SMIM10L3: variants seen among roughly 807,000 people sequenced by gnomAD.
The protein encoded by SMIM10L3 is small integral membrane protein 10 like 3, also known as salivary gland specific protein SAGSIN1.
the SMIM10L3 span, among the ~76,000 whole-genome samples, chr7:6,345,321 C>T: frequency 2.0e-5 from 3 of 151,956 alleles, no homozygotes; most frequent in African/African-American, 4.8e-5. Context: ...TGCTGTGTTG[C>T]CCAGGCTGGT....
At chr7:6,343,081 G>A in the SMIM10L3 span, among the ~76,000 whole-genome samples, 16 of 149,642 alleles carry the variant, frequency 1.1e-4, no homozygotes, top group Admixed American at 2.7e-4. Flanking sequence ...GAAGAGAAAA[G>A]AAAAGAAAAA....
the SMIM10L3 span, among the ~76,000 whole-genome samples, chr7:6,343,397 CATAT>C: frequency 0.085 from 7,154 of 84,020 alleles, 356 homozygotes; most frequent in Non-Finnish European, 0.096. Flanking sequence ...ATAATAATTT[CATAT>C]ATATATATAT....
At chr7:6,343,052 AAAAG>A in the SMIM10L3 span, among the ~76,000 whole-genome samples, 18,341 of 149,902 alleles carry the variant, frequency 0.12, 1,452 homozygotes, top group Admixed American at 0.22. Context: ...AAAAAAAGAA[AAAAG>A]AAAGAAAGAA....
At chr7:6,344,674 C>T in the SMIM10L3 span, among the ~76,000 whole-genome samples, 2 of 152,138 alleles carry the variant, frequency 1.3e-5, no homozygotes, top group Non-Finnish European at 2.9e-5. Context: ...CCACCTTGGA[C>T]TCCCAAAGTG....
the SMIM10L3 span, among the ~76,000 whole-genome samples, chr7:6,332,797 G>C: frequency 6.6e-6 from 1 of 152,172 alleles, no homozygotes; most frequent in African/African-American, 2.4e-5. Context: ...GTAGGAAACT[G>C]CTGTTTCTCT....
the SMIM10L3 span, among the ~76,000 whole-genome samples, chr7:6,344,887 G>C: frequency 6.6e-6 from 1 of 150,816 alleles, no homozygotes; most frequent in African/African-American, 2.4e-5. Flanking sequence ...GATGACAGGC[G>C]CATGCCGCCA....
chr7:6,331,177 G>A, the SMIM10L3 span: 7 of 1,595,836 alleles, frequency 4.4e-6, no homozygotes, highest in Middle Eastern at 1.7e-4. Flanking sequence ...TGGATGCGGT[G>A]GGCCTGAGGT....
At chr7:6,344,250 A>G in the SMIM10L3 span, among the ~76,000 whole-genome samples, 1 of 152,136 alleles carries the variant, frequency 6.6e-6, no homozygotes, top group Non-Finnish European at 1.5e-5. Flanking sequence ...AAACCTTCAA[A>G]TCAGGTAAGT....
the SMIM10L3 span, chr7:6,348,937 A>G: frequency 1.3e-5 from 5 of 382,398 alleles, no homozygotes; most frequent in East Asian, 1.9e-4. Flanking sequence ...CTCCGCGAGC[A>G]GCCGCCTGTA....
chr7:6,331,186 G>T, the SMIM10L3 span: 1 of 1,587,420 alleles, frequency 6.3e-7, no homozygotes, highest in African/African-American at 1.4e-5. Context: ...TGGGCCTGAG[G>T]TCACGCCTTC....
At chr7:6,347,883 T>TTTATTATTA in the SMIM10L3 span, among the ~76,000 whole-genome samples, 9,108 of 131,428 alleles carry the variant, frequency 0.069, 399 homozygotes, top group Middle Eastern at 0.13. Flanking sequence ...ACGAGACCCC[T>TTTATTATTA]TTATTATTAT....
chr7:6,338,770 C>T, the SMIM10L3 span: 2 of 152,328 alleles, frequency 1.3e-5, no homozygotes, highest in Non-Finnish European at 2.9e-5. Context: ...TCCTGGCCTC[C>T]AGGGCATGAC....
At chr7:6,348,218 T>C in the SMIM10L3 span, among the ~76,000 whole-genome samples, 1 of 123,778 alleles carries the variant, frequency 8.1e-6, no homozygotes, top group African/African-American at 3.0e-5. Flanking sequence ...GACCCGTCTT[T>C]ACAATTAAAA....
At chr7:6,341,711 G>A in the SMIM10L3 span, among the ~76,000 whole-genome samples, 2 of 150,578 alleles carry the variant, frequency 1.3e-5, no homozygotes, top group Non-Finnish European at 3.0e-5. Flanking sequence ...AAAATTATGA[G>A]TGCGCGCCAG....
chr7:6,342,861 A>AC, the SMIM10L3 span, among the ~76,000 whole-genome samples: 2 of 151,328 alleles, frequency 1.3e-5, no homozygotes, highest in African/African-American at 2.4e-5. Flanking sequence ...ACATAGTGAG[A>AC]CCCCATCTAG....
chr7:6,330,050 T>C, the SMIM10L3 span: 1 of 300,988 alleles, frequency 3.3e-6, no homozygotes, highest in South Asian at 4.6e-5. Context: ...TTTGGGACAG[T>C]AGCCCTTTAG....
the SMIM10L3 span, chr7:6,330,875 G>C: frequency 6.2e-7 from 1 of 1,614,190 alleles, no homozygotes; most frequent in Non-Finnish European, 8.5e-7. Context: ...GCTGAGGCTG[G>C]ATTTCTTCTT....
the SMIM10L3 span, among the ~76,000 whole-genome samples, chr7:6,345,453 C>T: frequency 1.3e-5 from 2 of 152,008 alleles, no homozygotes; most frequent in Non-Finnish European, 2.9e-5. Flanking sequence ...CCTCTGATTG[C>T]TTGGTGGAGA....
the SMIM10L3 span, chr7:6,331,073 A>C: frequency 1.2e-6 from 2 of 1,613,520 alleles, no homozygotes; most frequent in Non-Finnish European, 1.7e-6. Context: ...TTAAGGCTGC[A>C]TGATAGTTTG....
Sources: allele counts gnomAD v4.1 joint callset (sites outside exome capture counted in the v4.1 genomes callset), GRCh38; gene constraint gnomAD v4.1.1; transcripts MANE v1.5; gene names NCBI Gene and HGNC (gene_info 2026-07-23, HGNC 2026-07-21).